Variants in CAMKMT observed in about 807,000 individuals in gnomAD.
The protein encoded by CAMKMT is calmodulin-lysine N-methyltransferase, also known as CaM KMT.
In CAMKMT, 53 loss-of-function variants were observed where a neutral mutation model predicts 48.0. The observed-to-expected ratio is 1.10, with a 90% CI of 0.89 to 1.39. The LOEUF is 1.39. Ranked by LOEUF, CAMKMT falls within the 40% of genes most tolerant of loss-of-function variation. The pLI, the probability that CAMKMT is intolerant of heterozygous loss-of-function variation, is 0.00. For synonymous variants in CAMKMT, 165 were observed against 152.3 expected (o/e 1.08, Z -0.61); for missense variants, 428 against 402.7 (o/e 1.06, Z -0.54).
intron 3 of CAMKMT, among the ~76,000 whole-genome samples, chr2:44,454,902 T>A (rs1667478655): frequency 2.6e-5 from 4 of 152,156 alleles, no homozygotes; most frequent in Admixed American, 6.6e-5. Flanking sequence ...GAATCCAGCT[T>A]ACTTCTAGCA....
intron 9 of CAMKMT, among the ~76,000 whole-genome samples, chr2:44,759,135 TG>T (rs1156346773): frequency 3.3e-5 from 5 of 152,176 alleles, no homozygotes; most frequent in Non-Finnish European, 4.4e-5. Flanking sequence ...AGCAATTTTT[TG>T]GGGGGGAGGA....
At chr2:44,715,026 C>G (rs1302750025) in intron 6 of CAMKMT, among the ~76,000 whole-genome samples, 3 of 151,992 alleles carry the variant, frequency 2.0e-5, no homozygotes, top group Admixed American at 2.0e-4. Context: ...AAGCCCATCT[C>G]TACTAAAGAT....
intron 3 of CAMKMT, among the ~76,000 whole-genome samples, chr2:44,515,922 C>T (rs896072292): frequency 1.3e-5 from 2 of 152,188 alleles, no homozygotes; most frequent in Non-Finnish European, 2.9e-5. Flanking sequence ...CAAGCAGTTG[C>T]ATCTATTTAT....
chr2:44,723,303 A>G (rs997072993), intron 7 of CAMKMT, among the ~76,000 whole-genome samples: 1 of 152,198 alleles, frequency 6.6e-6, no homozygotes, highest in Non-Finnish European at 1.5e-5. Context: ...AAATTGTTCA[A>G]ATTTTCTTGC....
intron 3 of CAMKMT, among the ~76,000 whole-genome samples, chr2:44,486,997 C>G (rs1425645593): frequency 6.6e-6 from 1 of 152,178 alleles, no homozygotes; most frequent in Admixed American, 6.5e-5. Context: ...TAGATTTGAT[C>G]ATTTTGGAAC....
chr2:44,592,222 TAAA>T (rs1452290609), intron 3 of CAMKMT, among the ~76,000 whole-genome samples: 1 of 150,984 alleles, frequency 6.6e-6, no homozygotes, highest in African/African-American at 2.4e-5. Flanking sequence ...ATAATAATAA[TAAA>T]TAAATAAATA....
In CAMKMT at chr2:44,706,335, G is replaced by T. The variant is rs1309143034; in HGVS notation, c.486G>T (p.Gly162=). The change falls in exon 5 of 11, where the codon GGG becomes GGT. Residue 162 remains glycine, a synonymous_variant. Transcript: ENST00000378494. ...GGGGTGGCATGACATGCTTGGCTGG[G>T]CTCATGGTAGGTCTTTTCTCCATTC... ...ELGGGMTCLA[G]LMVAISADVK... 1 of 1,613,290 alleles carries T rather than the reference G, an allele frequency of 6.2e-7. No homozygotes were observed. The highest frequency in any genetic ancestry group is 8.5e-7 in the Non-Finnish European group (1 of 1,179,482).
intron 7 of CAMKMT, among the ~76,000 whole-genome samples, chr2:44,719,436 C>T (rs375494659): frequency 2.0e-5 from 3 of 152,100 alleles, no homozygotes; most frequent in Non-Finnish European, 4.4e-5. Context: ...ATTCTAGATG[C>T]TAGAGATGGA....
At chr2:44,612,670 C>T (rs1009329508) in intron 3 of CAMKMT, among the ~76,000 whole-genome samples, 3 of 152,086 alleles carry the variant, frequency 2.0e-5, no homozygotes, top group Admixed American at 6.5e-5. Context: ...GACCAGCCCA[C>T]CAAAAAATCA....
rs1668434516 is a variant in CAMKMT, at chr2:44,563,418, G to GT, written c.377-140864dup. On this transcript the variant is annotated intron_variant, in intron 3 of 10. Coordinates refer to ENST00000378494, the MANE Select transcript of CAMKMT (RefSeq NM_024766.5). Reference sequence around the variant, plus strand: ...TATTACCATTTGTGCTCCTGACACAGTAAAACAGTAAAGATGATAATATCA... The same window carrying GT: ...TATTACCATTTGTGCTCCTGACACAGTTAAAACAGTAAAGATGATAATATCA... Among the ~76,000 whole-genome samples the GT allele has an allele frequency of 1.3e-5, 2 of 151,694 alleles. 1 individual carries two copies. The highest frequency in any genetic ancestry group is 2.9e-5 in the Non-Finnish European group (2 of 67,902).
intron 4 of CAMKMT, chr2:44,705,425 G>A (rs1677499219): frequency 2.0e-6 from 2 of 985,274 alleles, no homozygotes; most frequent in Non-Finnish European, 2.4e-6. Flanking sequence ...CTGGAAGTCT[G>A]GCATTTGTTC....
chr2:44,716,700 C>G (rs574543199), intron 7 of CAMKMT, among the ~76,000 whole-genome samples: 2 of 152,162 alleles, frequency 1.3e-5, no homozygotes, highest in African/African-American at 4.8e-5. Context: ...ACGGCCTTAC[C>G]CTTCTGGAGA....
chr2:44,626,946 C>T (rs934954546), intron 3 of CAMKMT, among the ~76,000 whole-genome samples: 1 of 152,204 alleles, frequency 6.6e-6, no homozygotes, highest in African/African-American at 2.4e-5. Flanking sequence ...ATCCTTGCCT[C>T]GTTTCTGATC....
chr2:44,730,340 G>A lies in CAMKMT; in HGVS notation c.624-13282G>A, dbSNP rs879118516. 7.9e-5 allele frequency among the ~76,000 whole-genome samples: 12 copies of A among 152,166 alleles called. 1 individual carries two copies. Among genetic ancestry groups the A allele is most frequent in the Admixed American group, 7.9e-4 (12 of 15,274 alleles). On this transcript the variant is annotated intron_variant, in intron 7 of 10. Transcript: ENST00000378494. Reference sequence around the variant, plus strand: ...TTCCCCAACTTGTCCAGTCCACAGTGATTACTCCTTTGGTAGTACCTTACT... The same window carrying A: ...TTCCCCAACTTGTCCAGTCCACAGTAATTACTCCTTTGGTAGTACCTTACT...
chr2:44,710,474 A>T (rs1442698942), intron 6 of CAMKMT, among the ~76,000 whole-genome samples: 1 of 152,134 alleles, frequency 6.6e-6, no homozygotes, highest in East Asian at 1.9e-4. Flanking sequence ...ACGAACTCAA[A>T]GCCCCCACAC....
At chr2:44,420,873 A>G (rs945053094) in intron 3 of CAMKMT, among the ~76,000 whole-genome samples, 1 of 150,176 alleles carries the variant, frequency 6.7e-6, no homozygotes, top group African/African-American at 2.5e-5. Flanking sequence ...TGTCTAAGGG[A>G]TTAACTGTCA....
intron 3 of CAMKMT, among the ~76,000 whole-genome samples, chr2:44,643,747 A>G (rs1430363631): frequency 2.6e-5 from 4 of 152,204 alleles, no homozygotes; most frequent in East Asian, 3.8e-4. Flanking sequence ...TGACTCAGAA[A>G]TGTTTCTGTA....
At chr2:44,421,050 G>T (rs1028493803) in intron 3 of CAMKMT, among the ~76,000 whole-genome samples, 2 of 151,926 alleles carry the variant, frequency 1.3e-5, no homozygotes, top group Non-Finnish European at 2.9e-5. Flanking sequence ...GGGTAGCAAT[G>T]GTTAAAATTA....
intron 3 of CAMKMT, among the ~76,000 whole-genome samples, chr2:44,483,871 T>G (rs1669090377): frequency 1.3e-5 from 2 of 152,180 alleles, no homozygotes; most frequent in Non-Finnish European, 2.9e-5. Flanking sequence ...CCTGAGATTT[T>G]AGAAGTATAT....
Sources: gnomAD v4.1 joint callset for allele counts (sites outside exome capture counted in the v4.1 genomes callset) on GRCh38, gnomAD v4.1.1 for gene constraint, MANE v1.5 for transcripts, NCBI Gene and HGNC (gene_info 2026-07-23, HGNC 2026-07-21) for gene names.